The following ERC2 variants were observed in gnomAD, a reference collection of about 807,000 sequenced individuals.
ERC2 encodes the protein ELKS/RAB6-interacting/CAST family member 2.
Under a neutral mutation model 114.8 loss-of-function variants are expected in ERC2, and 42 were observed. That is an observed-to-expected ratio of 0.37 (90% CI 0.29 to 0.47). The LOEUF (loss-of-function observed/expected upper bound fraction) is 0.47. Among genes scored for constraint, ERC2 ranks in the 20% least tolerant of loss-of-function variants. The pLI, the probability that ERC2 is intolerant of heterozygous loss-of-function variation, is 0.99. For missense variants in ERC2, 939 were observed against 1,150.7 expected (o/e 0.82, Z 2.66); for synonymous variants, 454 against 425.5 (o/e 1.07, Z -0.82).
At chr3:56,365,034 T>C (rs1036771350) in intron 2 of ERC2, among the ~76,000 whole-genome samples, 1 of 152,192 alleles carries the variant, frequency 6.6e-6, no homozygotes, top group Non-Finnish European at 1.5e-5. Context: ...CTTCATAAGG[T>C]TATCAAAAAA....
intron 7 of ERC2, among the ~76,000 whole-genome samples, chr3:56,065,760 C>T (rs1051914736): frequency 1.3e-5 from 2 of 152,032 alleles, no homozygotes; most frequent in African/African-American, 4.8e-5. Context: ...CCATGTATTC[C>T]CATTGTTAGC....
intron 14 of ERC2, among the ~76,000 whole-genome samples, chr3:55,869,927 AGT>A (rs1316297384): frequency 6.6e-6 from 1 of 152,172 alleles, no homozygotes; most frequent in African/African-American, 2.4e-5. Context: ...TGCAGCATAG[AGT>A]GTATTGACAA....
intron 2 of ERC2, among the ~76,000 whole-genome samples, chr3:56,354,087 C>T (rs532172462): frequency 6.6e-5 from 10 of 152,266 alleles, no homozygotes; most frequent in Non-Finnish European, 1.5e-4. Context: ...TAGATATCAC[C>T]AGTTACATTT....
intron 13 of ERC2, among the ~76,000 whole-genome samples, chr3:55,912,978 C>CT (rs1232302561): frequency 6.6e-6 from 1 of 152,056 alleles, no homozygotes; most frequent in African/African-American, 2.4e-5. Context: ...TTATGGCTTT[C>CT]TTTTTTTATT....
intron 4 of ERC2, among the ~76,000 whole-genome samples, chr3:56,167,443 G>T (rs1195065145): frequency 1.3e-5 from 2 of 152,012 alleles, no homozygotes; most frequent in East Asian, 3.8e-4. Context: ...CATAAGAAGA[G>T]TTTGGGGGGA....
At chr3:55,537,215 C>T (rs1255810271) in intron 17 of ERC2, among the ~76,000 whole-genome samples, 2 of 152,288 alleles carry the variant, frequency 1.3e-5, no homozygotes, top group African/African-American at 4.8e-5. Flanking sequence ...TCTCCCCTCA[C>T]AGCCATGCTG....
At chr3:56,158,546 G>T (rs1367845287) in intron 4 of ERC2, among the ~76,000 whole-genome samples, 1 of 152,062 alleles carries the variant, frequency 6.6e-6, no homozygotes, top group African/African-American at 2.4e-5. Flanking sequence ...CCTCTATTAT[G>T]TGCCAGGATT....
intron 17 of ERC2, among the ~76,000 whole-genome samples, chr3:55,669,658 C>T (rs1224079681): frequency 1.3e-5 from 2 of 152,170 alleles, no homozygotes; most frequent in Non-Finnish European, 2.9e-5. Context: ...AGTTTATTGG[C>T]ACTGTGGATG....
chr3:55,537,333 C>G (rs540339255), intron 17 of ERC2, among the ~76,000 whole-genome samples: 11 of 152,324 alleles, frequency 7.2e-5, no homozygotes, highest in East Asian at 3.9e-4. Context: ...GTTTCCCCCC[C>G]TGAAGTGACA....
intron 17 of ERC2, among the ~76,000 whole-genome samples, chr3:55,543,410 G>C (rs199507677): frequency 6.6e-6 from 1 of 152,208 alleles, no homozygotes; most frequent in African/African-American, 2.4e-5. Context: ...AGGCTCCCAC[G>C]TGGGGGATGT....
At chr3:56,318,124 C>A (rs1230218505) in intron 2 of ERC2, among the ~76,000 whole-genome samples, 1 of 152,124 alleles carries the variant, frequency 6.6e-6, no homozygotes, top group African/African-American at 2.4e-5. Context: ...ATGATCAGTA[C>A]AAAAATAGTT....
intron 17 of ERC2, among the ~76,000 whole-genome samples, chr3:55,674,463 A>G (rs903080898): frequency 2.0e-5 from 3 of 152,218 alleles, no homozygotes; most frequent in African/African-American, 2.4e-5. Context: ...TTTTCCTGAT[A>G]TACTTATTAA....
chr3:56,268,191 C>G (rs183806146), intron 3 of ERC2, among the ~76,000 whole-genome samples: 79 of 152,140 alleles, frequency 5.2e-4, no homozygotes, highest in Admixed American at 5.2e-3. Context: ...TTAGATACAC[C>G]ATTGCATTAC....
chr3:55,976,752 A>G (rs898085381), intron 12 of ERC2, among the ~76,000 whole-genome samples: 1 of 152,198 alleles, frequency 6.6e-6, no homozygotes, highest in African/African-American at 2.4e-5. Flanking sequence ...AAAAAAATAA[A>G]TTTATATCCA....
intron 3 of ERC2, among the ~76,000 whole-genome samples, chr3:56,289,574 G>A (rs889106200): frequency 6.6e-6 from 1 of 152,112 alleles, no homozygotes; most frequent in Non-Finnish European, 1.5e-5. Flanking sequence ...CCCACTGAAA[G>A]GCAGAGTTTC....
At chr3:55,703,198 T>A (rs1306438829) in intron 15 of ERC2, among the ~76,000 whole-genome samples, 1 of 152,162 alleles carries the variant, frequency 6.6e-6, no homozygotes, top group Non-Finnish European at 1.5e-5. Context: ...CCTCCCTGGA[T>A]TCAAGTTCTT....
intron 3 of ERC2, among the ~76,000 whole-genome samples, chr3:56,274,607 T>C (rs1011546920): frequency 6.6e-6 from 1 of 152,246 alleles, no homozygotes; most frequent in East Asian, 1.9e-4. Flanking sequence ...AAAACTGTCG[T>C]AACAAGTCAG....
chr3:56,043,631 A>C (rs2075313704), intron 7 of ERC2, among the ~76,000 whole-genome samples: 1 of 152,224 alleles, frequency 6.6e-6, no homozygotes, highest in Admixed American at 6.5e-5. Context: ...ATTCTGAGAA[A>C]TATATCACAG....
chr3:55,669,779 T>C (rs1031791748), intron 17 of ERC2, among the ~76,000 whole-genome samples: 4 of 152,228 alleles, frequency 2.6e-5, no homozygotes, highest in Non-Finnish European at 5.9e-5. Context: ...GTGCATAGCA[T>C]GAAGTCTCCA....
Sources: gnomAD v4.1 joint callset for allele counts (sites outside exome capture counted in the v4.1 genomes callset) on GRCh38, gnomAD v4.1.1 for gene constraint, MANE v1.5 for transcripts, NCBI Gene and HGNC (gene_info 2026-07-23, HGNC 2026-07-21) for gene names.